The following USP44 variants were observed in gnomAD, a reference collection of about 807,000 sequenced individuals.
USP44 encodes ubiquitin carboxyl-terminal hydrolase 44.
In USP44, 61 loss-of-function variants were observed where a neutral mutation model predicts 69.0. The observed-to-expected ratio is 0.88, with a 90% CI of 0.72 to 1.09. USP44 has a LOEUF of 1.09. USP44 is among the 50% of genes least tolerant of loss of function. The pLI, the probability that USP44 is intolerant of heterozygous loss-of-function variation, is 0.00. For synonymous variants in USP44, 297 were observed against 295.4 expected (o/e 1.01, Z -0.06); for missense variants, 753 against 849.9 (o/e 0.89, Z 1.42).
At chr12:95,537,379 T>C (rs12322384) in intron 1 of USP44, among the ~76,000 whole-genome samples, 10,690 of 152,080 alleles carry the variant, frequency 0.07, 574 homozygotes, top group African/African-American at 0.15. Context: ...AGTGCAGGGG[T>C]GCTATCTTAG....
intron 1 of USP44, among the ~76,000 whole-genome samples, chr12:95,543,913 G>A (rs979324805): frequency 7.8e-6 from 1 of 127,794 alleles, no homozygotes; most frequent in African/African-American, 3.0e-5. Flanking sequence ...CTTGCAGCGA[G>A]CCGAGATCGC....
At chr12:95,527,164 G>A (rs1592687838) in intron 3 of USP44, among the ~76,000 whole-genome samples, 1 of 150,518 alleles carries the variant, frequency 6.6e-6, no homozygotes, top group African/African-American at 2.5e-5. Flanking sequence ...GCGCGATCTC[G>A]GCTCACTGCA....
chr12:95,524,878 T>A (rs911317230), intron 3 of USP44, 90 bp from the exon 4 acceptor site: 23 of 1,167,232 alleles, frequency 2.0e-5, no homozygotes, highest in Non-Finnish European at 2.7e-5. Context: ...AAGTCAGAAA[T>A]GAAAAGTATG....
At chr12:95,549,404 C>T (rs1194380391) in intron 1 of USP44, among the ~76,000 whole-genome samples, 1 of 152,066 alleles carries the variant, frequency 6.6e-6, no homozygotes. Flanking sequence ...CCGAAATTGC[C>T]CATTTAAATA....
intron 5 of USP44, among the ~76,000 whole-genome samples, chr12:95,519,759 G>A (rs111843809): frequency 0.075 from 11,335 of 150,430 alleles, 564 homozygotes; most frequent in African/African-American, 0.13. Flanking sequence ...GGCAAATTGG[G>A]TCGGGCATGG....
At position 95,543,691 on chromosome 12, in the gene USP44, G is replaced by A. The variant is rs200640736; in HGVS notation, c.-71+7581C>T. On this transcript the variant is annotated intron_variant, in intron 1 of 5. Transcript: ENST00000258499. The stretch of plus-strand genomic sequence containing the variant: ...TTCAAAAACTAACATACCAGGCCGG[G>A]CGCGGTGGCTCACGCCTGTAATCCC... Among the ~76,000 whole-genome samples the A allele has an allele frequency of 2.2e-4, 33 of 151,930 alleles. No individual in the cohort carries two copies. In the East Asian group the frequency reaches 4.3e-3, roughly 20 times the overall value.
rs754459522 is a variant in USP44 at position 95,518,118 on chromosome 12, T to C, written c.*36A>G. 3.1e-6 allele frequency: 5 copies of C among 1,606,772 alleles called. No homozygotes were observed. In the African/African-American group the frequency reaches 4.0e-5, roughly 13 times the overall value. On this transcript the variant is annotated 3_prime_UTR_variant, in exon 6 of 6. Coordinates refer to ENST00000258499, the MANE Select transcript of USP44 (RefSeq NM_032147.5). ...ACATCAGTCTTTTAAAAAGTATATA[T>C]ATAAATCACAGGAAGAAAACCCCAT...
intron 1 of USP44, among the ~76,000 whole-genome samples, chr12:95,543,622 C>T (rs2140364469): frequency 6.6e-6 from 1 of 151,880 alleles, no homozygotes; most frequent in South Asian, 2.1e-4. Flanking sequence ...TTGAAAGCTA[C>T]AAGAATTACT....
At chr12:95,521,568 C>A (rs2076663651) in intron 4 of USP44, among the ~76,000 whole-genome samples, 1 of 152,186 alleles carries the variant, frequency 6.6e-6, no homozygotes, top group Non-Finnish European at 1.5e-5. Flanking sequence ...GTGGTGCGAT[C>A]TTGGCTTACT....
Position 95,533,498 on chromosome 12 carries a change from T to C in USP44, c.759A>G (p.Ile253Met). ...DKVLSTSENE[I>M]SQKVSDSSVK... ...CTGAGGAGTCACTGACTTTTTGAGA[T>C]ATTTCATTTTCTGAGGTAGAGAGTA... The change falls in exon 2 of 6, where the codon ATA (isoleucine) becomes ATG (methionine). Residue 253 changes from isoleucine to methionine, a missense_variant. Ile to Met is a conservative substitution (Grantham distance 10). Transcript: ENST00000258499. 6.2e-7 allele frequency: 1 copy of C among 1,614,190 alleles called. No homozygotes were observed. The highest frequency in any genetic ancestry group is 8.5e-7 in the Non-Finnish European group (1 of 1,180,014).
intron 1 of USP44, among the ~76,000 whole-genome samples, chr12:95,537,443 C>T (rs1032439444): frequency 3.9e-5 from 6 of 152,036 alleles, no homozygotes; most frequent in East Asian, 1.9e-4. Flanking sequence ...CTTAGCCTCC[C>T]GAGTAGCTGG....
chr12:95,523,527 G>A (rs2076733422), intron 4 of USP44, among the ~76,000 whole-genome samples: 1 of 152,140 alleles, frequency 6.6e-6, no homozygotes, highest in East Asian at 1.9e-4. Flanking sequence ...TGTTGTAAGA[G>A]TATGGTAGGA....
intron 1 of USP44, among the ~76,000 whole-genome samples, chr12:95,542,896 G>A (rs1335697305): frequency 1.3e-5 from 2 of 151,218 alleles, no homozygotes; most frequent in African/African-American, 4.9e-5. Flanking sequence ...AGACCATCCT[G>A]TCTAACATGG....
intron 4 of USP44, among the ~76,000 whole-genome samples, chr12:95,522,977 A>T (rs2076715399): frequency 6.6e-6 from 1 of 152,114 alleles, no homozygotes; most frequent in African/African-American, 2.4e-5. Flanking sequence ...GTAATCAGTC[A>T]TGCCTATGTA....
At chr12:95,524,888 G>A in intron 3 of USP44, 100 bp from the exon 4 acceptor site, 1 of 1,081,992 alleles carries the variant, frequency 9.2e-7, no homozygotes, top group Non-Finnish European at 1.3e-6. Flanking sequence ...TGAAAAGTAT[G>A]TACTGTGTTC....
intron 1 of USP44, among the ~76,000 whole-genome samples, chr12:95,543,966 CAAAAA>C (rs760105964): frequency 0.063 from 3,009 of 47,474 alleles, 105 homozygotes; most frequent in African/African-American, 0.2. Flanking sequence ...GACTGCATCT[CAAAAA>C]AAAAAAAAAA....
chr12:95,532,780 C>A (rs768126981), intron 2 of USP44, 49 bp downstream of exon 2: 3 of 1,482,220 alleles, frequency 2.0e-6, no homozygotes, highest in Non-Finnish European at 9.1e-7. Context: ...TTATAGGCTA[C>A]ACTTTATGAA....
intron 1 of USP44, among the ~76,000 whole-genome samples, chr12:95,549,975 TC>T (rs1365897561): frequency 6.6e-6 from 1 of 152,104 alleles, no homozygotes; most frequent in African/African-American, 2.4e-5. Context: ...GGTCAGGAGT[TC>T]GAGAGCAGCC....
In USP44 at chr12:95,533,323, T is replaced by A. The variant is rs1474897349; in HGVS notation, c.934A>T (p.Met312Leu). The A allele has an allele frequency of 6.2e-7, 1 of 1,614,108 alleles. No homozygotes were observed. The highest frequency in any genetic ancestry group is 1.1e-5 in the South Asian group (1 of 91,082). ...LKLDLNQWLAMTASEKTRSCK... is the reference protein window; with the variant it reads ...LKLDLNQWLALTASEKTRSCK... ...GATCTTGTCTTCTCGCTAGCAGTCATAGCCAGCCATTGGTTCAGATCAAGC... is the reference window on the plus strand; with the variant it reads ...GATCTTGTCTTCTCGCTAGCAGTCAAAGCCAGCCATTGGTTCAGATCAAGC... Residue 312 changes from methionine (M) to leucine (L), a missense_variant, in exon 2 of 6, where the codon ATG becomes TTG. Coordinates refer to ENST00000258499, the MANE Select transcript of USP44 (RefSeq NM_032147.5).
Sources: allele counts gnomAD v4.1 joint callset (sites outside exome capture counted in the v4.1 genomes callset), GRCh38; gene constraint gnomAD v4.1.1; transcripts MANE v1.5; gene names NCBI Gene and HGNC (gene_info 2026-07-23, HGNC 2026-07-21).